Variants in ZCWPW2 observed in about 807,000 individuals in gnomAD.
The protein encoded by ZCWPW2 is zinc finger CW-type and PWWP domain containing 2.
Under a neutral mutation model 46.6 loss-of-function variants are expected in ZCWPW2, and 45 were observed. The observed-to-expected ratio is 0.96, with a 90% CI of 0.76 to 1.24. The LOEUF (loss-of-function observed/expected upper bound fraction) is 1.24, where lower values mean the gene tolerates loss of function less well. ZCWPW2 is among the 50% of genes most tolerant of loss of function. ZCWPW2 has a pLI of 0.00. For missense variants in ZCWPW2, 429 were observed against 403.9 expected (o/e 1.06, Z -0.53); for synonymous variants, 152 against 137.1 (o/e 1.11, Z -0.76).
At chr3:28,480,579 G>C (rs1699392076) in intron 5 of ZCWPW2, among the ~76,000 whole-genome samples, 1 of 152,038 alleles carries the variant, frequency 6.6e-6, no homozygotes. Context: ...GTGCTCTTTG[G>C]TTTAATTAGA....
chr3:28,443,981 A>G (rs981089590), intron 4 of ZCWPW2, among the ~76,000 whole-genome samples: 4 of 152,158 alleles, frequency 2.6e-5, no homozygotes, highest in Non-Finnish European at 5.9e-5. Flanking sequence ...CTCACTCACA[A>G]TGAACCATCT....
intron 4 of ZCWPW2, among the ~76,000 whole-genome samples, chr3:28,441,013 C>T (rs1697732115): frequency 6.6e-6 from 1 of 152,150 alleles, no homozygotes; most frequent in Admixed American, 6.5e-5. Flanking sequence ...CCAGGTCACC[C>T]TTGGTGAGTG....
chr3:28,395,740 G>C (rs552630186), intron 2 of ZCWPW2, among the ~76,000 whole-genome samples: 1 of 152,122 alleles, frequency 6.6e-6, no homozygotes. Context: ...GTGGTTACCG[G>C]AGGGCTTGGA....
At chr3:28,463,657 C>A (rs895046979) in intron 4 of ZCWPW2, among the ~76,000 whole-genome samples, 2 of 151,976 alleles carry the variant, frequency 1.3e-5, no homozygotes, top group African/African-American at 2.4e-5. Flanking sequence ...ATACCTTAAC[C>A]CAATTTTATA....
At chr3:28,499,153 G>A (rs967634021) in intron 6 of ZCWPW2, among the ~76,000 whole-genome samples, 22 of 152,102 alleles carry the variant, frequency 1.4e-4, no homozygotes, top group African/African-American at 5.3e-4. Flanking sequence ...AATCCTTTGG[G>A]TATATACCCA....
intron 6 of ZCWPW2, among the ~76,000 whole-genome samples, chr3:28,497,936 C>G (rs974393481): frequency 2.0e-5 from 3 of 152,040 alleles, no homozygotes; most frequent in African/African-American, 7.2e-5. Flanking sequence ...ACTAATCTCT[C>G]TGAGTTCCAC....
At chr3:28,472,905 A>T (rs1261576194) in intron 4 of ZCWPW2, among the ~76,000 whole-genome samples, 5 of 152,058 alleles carry the variant, frequency 3.3e-5, no homozygotes, top group Admixed American at 6.6e-5. Context: ...ATAATCTAAT[A>T]AAAAAATGGG....
chr3:28,413,364 G>A lies in ZCWPW2; in HGVS notation c.296G>A (p.Gly99Glu). 1 of 1,610,096 alleles carries A rather than the reference G, an allele frequency of 6.2e-7. No homozygotes were observed. The highest frequency in any genetic ancestry group is 8.5e-7 in the Non-Finnish European group (1 of 1,177,086). Residue 99 changes from glycine to glutamate, a missense_variant, in exon 3 of 10, where the codon GGA (glycine) becomes GAA (glutamate). Coordinates refer to ENST00000383768, the MANE Select transcript of ZCWPW2 (RefSeq NM_001040432.4). ...ATTGTCTATTCACAGCTCCCTCTTG[G>A]AAGCCTGGTTTTGGTAAAATTACAG... ...FKIVYSQLPL[G>E]SLVLVKLQNW...
chr3:28,349,263 C>T lies in ZCWPW2; in HGVS notation c.-134+60C>T, dbSNP rs6808125. 2.4e-3 allele frequency: 2,279 copies of T among 944,584 alleles called. 39 individuals are homozygous for T. The African/African-American group carries it at 0.038, about 16-fold the overall frequency. 58.5% of individuals were successfully genotyped at this position (944,584 alleles called of 1,614,324 possible). A position where few individuals can be genotyped will look rare whatever the true frequency, so the allele number is the denominator to read the frequency against. On this transcript the variant is annotated intron_variant, in intron 1 of 9. Transcript: ENST00000383768. ...CGAGGTCCCCCTTCAGGGGCGCCCT[C>T]TGGTGCGTCTTTTTCACTCAGTGTC... is the stretch of plus-strand genomic sequence containing the variant.
Position 28,524,631 on chromosome 3 carries a change from T to C in ZCWPW2, c.1014T>C (p.Cys338=), listed in dbSNP as rs1575239975. Residue 338 remains cysteine (C), a synonymous_variant, in exon 10 of 10, where the codon TGT becomes TGC. Coordinates refer to ENST00000383768, the MANE Select transcript of ZCWPW2 (RefSeq NM_001040432.4). ...GGATAAAATTAAAAGCTGGAGAATG[T>C]ATTGAGGATATAACTAATAAATTTA... ...IDGIKLKAGE[C]IEDITNKFKE... is the part of the protein sequence containing the mutation. 1 of 1,603,734 alleles carries C rather than the reference T, an allele frequency of 6.2e-7. No homozygotes were observed. Among genetic ancestry groups the C allele is most frequent in the Non-Finnish European group, 8.5e-7 (1 of 1,173,748 alleles).
chr3:28,495,829 G>C (rs1012628006), intron 6 of ZCWPW2, among the ~76,000 whole-genome samples: 1 of 151,984 alleles, frequency 6.6e-6, no homozygotes, highest in African/African-American at 2.4e-5. Context: ...TGGAGATGCT[G>C]TGGGTTATAG....
At chr3:28,382,322 C>T (rs1695136940) in intron 1 of ZCWPW2, among the ~76,000 whole-genome samples, 1 of 152,094 alleles carries the variant, frequency 6.6e-6, no homozygotes. Context: ...TTGTAGATGG[C>T]CATCTTCTCC....
intron 1 of ZCWPW2, among the ~76,000 whole-genome samples, chr3:28,389,119 C>T (rs1003570000): frequency 6.6e-6 from 1 of 152,112 alleles, no homozygotes; most frequent in Non-Finnish European, 1.5e-5. Context: ...GGAACTAAGA[C>T]CTCTAGGCCG....
intron 4 of ZCWPW2, among the ~76,000 whole-genome samples, chr3:28,457,169 T>G (rs79900523): frequency 0.013 from 1,945 of 152,310 alleles, 64 homozygotes; most frequent in African/African-American, 0.044. Context: ...CAGTGCTGAC[T>G]AAACTAGTTT....
chr3:28,380,142 C>A (rs1354390616), intron 1 of ZCWPW2, among the ~76,000 whole-genome samples: 7 of 151,936 alleles, frequency 4.6e-5, no homozygotes, highest in African/African-American at 1.7e-4. Flanking sequence ...ACCACCATGC[C>A]TGGCTAATTT....
chr3:28,401,843 C>G (rs1695952044), intron 2 of ZCWPW2, among the ~76,000 whole-genome samples: 1 of 151,808 alleles, frequency 6.6e-6, no homozygotes, highest in Non-Finnish European at 1.5e-5. Flanking sequence ...AAAATGAAAT[C>G]AAGATGGAAA....
chr3:28,349,294 G>C, intron 1 of ZCWPW2, 91 bp downstream of exon 1: 1 of 815,770 alleles, frequency 1.2e-6, no homozygotes. Flanking sequence ...GTGTCCTTTT[G>C]GGGGGTCCCC....
intron 1 of ZCWPW2, among the ~76,000 whole-genome samples, chr3:28,377,162 C>T (rs762973231): frequency 2.6e-5 from 4 of 151,658 alleles, no homozygotes; most frequent in Non-Finnish European, 5.9e-5. Flanking sequence ...TTTTCCTATC[C>T]TCAACCTGTT....
intron 3 of ZCWPW2, among the ~76,000 whole-genome samples, chr3:28,423,460 G>C (rs565512915): frequency 1.3e-5 from 2 of 149,430 alleles, no homozygotes; most frequent in Admixed American, 1.3e-4. Flanking sequence ...TCTGCCTCCC[G>C]GGTTCACGCC....
Sources: allele counts gnomAD v4.1 joint callset (sites outside exome capture counted in the v4.1 genomes callset), GRCh38; gene constraint gnomAD v4.1.1; transcripts MANE v1.5; gene names NCBI Gene and HGNC (gene_info 2026-07-23, HGNC 2026-07-21).